The following VGLL4 variants were observed in gnomAD, a reference collection of about 807,000 sequenced individuals.
VGLL4 encodes transcription cofactor vestigial-like protein 4.
In VGLL4, 7 loss-of-function variants were observed where a neutral mutation model predicts 21.0. The observed-to-expected ratio is 0.33, with a 90% CI of 0.19 to 0.63. VGLL4 has a LOEUF of 0.63. Among genes scored for constraint, VGLL4 ranks in the 20% least tolerant of loss-of-function variants. The pLI is 0.78. For missense variants in VGLL4, 394 were observed against 425.7 expected (o/e 0.93, Z 0.66); for synonymous variants, 222 against 173.2 (o/e 1.28, Z -2.21).
At chr3:11,714,182 C>T (rs1345735736) in intron 1 of VGLL4, among the ~76,000 whole-genome samples, 1 of 152,214 alleles carries the variant, frequency 6.6e-6, no homozygotes, top group Non-Finnish European at 1.5e-5. Context: ...CATTACAACA[C>T]ATTTCACGGC....
chr3:11,574,683 G>A (rs1168432082), intron 2 of VGLL4, among the ~76,000 whole-genome samples: 1 of 152,120 alleles, frequency 6.6e-6, no homozygotes, highest in African/African-American at 2.4e-5. Flanking sequence ...ATTAATGTTT[G>A]ATGGAGGCTA....
chr3:11,582,179 C>T lies in VGLL4; in HGVS notation c.273-17160G>A, dbSNP rs1052021601. 4 of 1,324,958 alleles carry T rather than the reference C, an allele frequency of 3.0e-6. No individual in the cohort carries two copies. In the African/African-American group the frequency reaches 5.8e-5, roughly 19 times the overall value. The allele number at this position is 1,324,958 out of a possible 1,614,324, so 82.1% of individuals were successfully genotyped here. ...AAAGACTACTCTACCTCTCCCAGCA[C>T]TTGCTGTCTCGCAGTTTAAATTAAT... is the stretch of plus-strand genomic sequence containing the variant. On this transcript the variant is annotated intron_variant, in intron 2 of 4. Coordinates refer to ENST00000430365, the MANE Select transcript of VGLL4 (RefSeq NM_001128219.3).
chr3:11,580,712 T>G (rs1399510157), intron 2 of VGLL4, among the ~76,000 whole-genome samples: 1 of 152,210 alleles, frequency 6.6e-6, no homozygotes, highest in African/African-American at 2.4e-5. Flanking sequence ...ACAGCCCAAG[T>G]GGTTCATGAG....
intron 2 of VGLL4, among the ~76,000 whole-genome samples, chr3:11,669,367 G>T (rs996957221): frequency 6.6e-6 from 1 of 152,076 alleles, no homozygotes; most frequent in African/African-American, 2.4e-5. Flanking sequence ...GTGCGACAGA[G>T]TAAGACCCCG....
chr3:11,674,590 C>G (rs927393157), intron 2 of VGLL4, among the ~76,000 whole-genome samples: 5 of 152,146 alleles, frequency 3.3e-5, no homozygotes, highest in Admixed American at 6.5e-5. Flanking sequence ...CAAACCCAGG[C>G]CTGCCACCCT....
At chr3:11,571,965 G>A (rs932854514) in intron 2 of VGLL4, among the ~76,000 whole-genome samples, 1 of 152,152 alleles carries the variant, frequency 6.6e-6, no homozygotes, top group Non-Finnish European at 1.5e-5. Context: ...AAATTATCTG[G>A]GCGTGGTGTC....
intron 3 of VGLL4, among the ~76,000 whole-genome samples, chr3:11,560,571 GTGAT>G (rs1236380007): frequency 1.3e-5 from 2 of 152,224 alleles, no homozygotes; most frequent in African/African-American, 4.8e-5. Flanking sequence ...ATAGACGACA[GTGAT>G]TGGGAATGGT....
In VGLL4 at chr3:11,653,912, C is replaced by G. The variant is rs527556049; in HGVS notation, c.64+49059G>C. Among the ~76,000 whole-genome samples, 1 of 151,810 alleles carries G rather than the reference C, an allele frequency of 6.6e-6. No homozygotes were observed. Among genetic ancestry groups the G allele is most frequent in the East Asian group, 1.9e-4 (1 of 5,164 alleles). Reference sequence around the variant, plus strand: ...AGCAGGCAGAGGGATAGAATTCACCCGAGACAACACAGAGGGAAGGGCCCC... The same window carrying G: ...AGCAGGCAGAGGGATAGAATTCACCGGAGACAACACAGAGGGAAGGGCCCC... On this transcript the variant is annotated intron_variant, in intron 2 of 5. Transcript: ENST00000273038. This position sits in a 1 kb window ranked among gnomAD's most constrained non-coding sequence, Gnocchi z 4.2.
chr3:11,602,504 T>C (rs1168881445), intron 1 of VGLL4, among the ~76,000 whole-genome samples: 1 of 152,122 alleles, frequency 6.6e-6, no homozygotes, highest in Non-Finnish European at 1.5e-5. Context: ...ATGAGGAAAG[T>C]GTGTGGGCTA....
intron 1 of VGLL4, among the ~76,000 whole-genome samples, chr3:11,706,587 G>T (rs2076763873): frequency 6.6e-6 from 1 of 152,152 alleles, no homozygotes; most frequent in African/African-American, 2.4e-5. Flanking sequence ...TTTTGTTTGG[G>T]GGTGGTTTGT....
chr3:11,593,203 C>A (rs1055696985), intron 2 of VGLL4, among the ~76,000 whole-genome samples: 1 of 152,158 alleles, frequency 6.6e-6, no homozygotes, highest in African/African-American at 2.4e-5. Context: ...GGTAACTGGT[C>A]CATATACATC....
At chr3:11,665,989 G>A (rs986160196) in intron 2 of VGLL4, among the ~76,000 whole-genome samples, 3 of 152,174 alleles carry the variant, frequency 2.0e-5, no homozygotes, top group Non-Finnish European at 2.9e-5. Context: ...GGTGGCTCAC[G>A]CCTGTAATCC....
In VGLL4 at chr3:11,565,451, CACTGCTCAGCCCATCTTCCTCACAGT is replaced by C. The variant is rs954753742; in HGVS notation, c.273-458_273-433del. ...AGGGCCCTATTCAAAGCCTCCACAG[CACTGCTCAGCCCATCTTCCTCACAGT>C]ACTGCTCAGCCCGTCTTCCTAACAG... is the stretch of plus-strand genomic sequence containing the variant. On this transcript the variant is annotated intron_variant, in intron 2 of 4. Coordinates refer to ENST00000430365, the MANE Select transcript of VGLL4 (RefSeq NM_001128219.3). This position sits in a 1 kb window ranked among gnomAD's most constrained non-coding sequence, Gnocchi z 4.1. Among the ~76,000 whole-genome samples the C allele has an allele frequency of 4.6e-5, 7 of 152,166 alleles. No individual in the cohort carries two copies. Among genetic ancestry groups the C allele is most frequent in the Non-Finnish European group, 8.8e-5 (6 of 68,034 alleles).
In VGLL4 at chr3:11,557,876, G is replaced by C; in HGVS notation, c.*680C>G. Reference sequence around the variant, plus strand: ...TGCAAGCACCTGAAATCTAGAGAGAGAAAGACCTATAACCTGTATGAGACT... The same window carrying C: ...TGCAAGCACCTGAAATCTAGAGAGACAAAGACCTATAACCTGTATGAGACT... On this transcript the variant is annotated 3_prime_UTR_variant, in exon 5 of 5. Transcript: ENST00000430365. 6.6e-6 allele frequency: 1 copy of C among 152,520 alleles called. No homozygotes were observed. Among genetic ancestry groups the C allele is most frequent in the Non-Finnish European group, 1.5e-5 (1 of 68,182 alleles). The allele number at this position is 152,520 out of a possible 1,614,324, so 9.4% of individuals were successfully genotyped here.
At chr3:11,578,082 A>C (rs939134685) in intron 2 of VGLL4, among the ~76,000 whole-genome samples, 7 of 152,206 alleles carry the variant, frequency 4.6e-5, no homozygotes, top group African/African-American at 1.4e-4. Flanking sequence ...TCTGAACGAA[A>C]CACCAGCGTA....
At chr3:11,720,724 CA>C (rs2076986396) in exon 1 of VGLL4, 1 of 152,356 alleles carries the variant, frequency 6.6e-6, no homozygotes, top group African/African-American at 2.4e-5. Context: ...CTGGCGTCCA[CA>C]ACCCGGACTG....
intron 2 of VGLL4, among the ~76,000 whole-genome samples, chr3:11,669,244 A>C (rs1276725877): frequency 6.6e-6 from 1 of 152,160 alleles, no homozygotes; most frequent in Non-Finnish European, 1.5e-5. Flanking sequence ...TTTTCCTCTA[A>C]AGCCGGTGTG....
chr3:11,630,515 G>A (rs930982388), intron 1 of VGLL4, among the ~76,000 whole-genome samples: 2 of 151,980 alleles, frequency 1.3e-5, no homozygotes, highest in African/African-American at 2.4e-5. Context: ...GCGTGGTGGC[G>A]GGCGCCTGTA....
chr3:11,665,927 G>A (rs2076116873), intron 2 of VGLL4, among the ~76,000 whole-genome samples: 1 of 152,184 alleles, frequency 6.6e-6, no homozygotes, highest in South Asian at 2.1e-4. Flanking sequence ...GTGACGACAG[G>A]AAGGGAGGAC....
Sources: gnomAD v4.1 joint callset for allele counts (sites outside exome capture counted in the v4.1 genomes callset) on GRCh38, gnomAD v4.1.1 for gene constraint, Gnocchi (gnomAD v3.1) non-coding constraint, MANE v1.5 for transcripts, NCBI Gene and HGNC (gene_info 2026-07-23, HGNC 2026-07-21) for gene names.